The following PPP3CC variants were observed in gnomAD, a reference collection of about 807,000 sequenced individuals.
The protein encoded by PPP3CC is serine/threonine-protein phosphatase 2B catalytic subunit gamma isoform.
A neutral mutation model predicts 60.3 loss-of-function variants in PPP3CC; 35 were observed. The observed-to-expected ratio is 0.58, with a 90% CI of 0.44 to 0.77. The LOEUF (loss-of-function observed/expected upper bound fraction) is 0.77. PPP3CC is among the 30% of genes least tolerant of loss of function. The pLI is 0.00. For synonymous variants in PPP3CC, 206 were observed against 224.3 expected, an observed-to-expected ratio of 0.92 and a Z score of 0.73; for missense variants, 570 against 628.9, an observed-to-expected ratio of 0.91 and a Z score of 1.00.
rs188691928 is a variant in PPP3CC, at chr8:22,519,448, C to G, written c.771-3043C>G. On this transcript the variant is annotated intron_variant, in intron 6 of 13. Coordinates refer to ENST00000240139, the MANE Select transcript of PPP3CC (RefSeq NM_005605.5). ...GGTTCTACTATTCCTCTCTTTTTCT[C>G]TTTGTGATTTGATTTTTATTTTTGT... Among the ~76,000 whole-genome samples, 10 of 152,130 alleles carry G rather than the reference C, an allele frequency of 6.6e-5. 1 individual carries two copies. Among genetic ancestry groups the G allele is most frequent in the African/African-American group, 2.2e-4 (9 of 41,504 alleles).
intron 3 of PPP3CC, chr8:22,492,645 G>T (rs1250526604): frequency 6.0e-6 from 4 of 662,524 alleles, no homozygotes; most frequent in Non-Finnish European, 1.1e-5. Flanking sequence ...AGCCAGGAAA[G>T]ACTTGCCAAA....
At chr8:22,460,782 C>T (rs1054940191) in intron 1 of PPP3CC, among the ~76,000 whole-genome samples, 1 of 152,084 alleles carries the variant, frequency 6.6e-6, no homozygotes, top group Non-Finnish European at 1.5e-5. Context: ...CAGCTGCACA[C>T]CATCCAGCCT....
At chr8:22,442,234 C>G (rs896374) in intron 1 of PPP3CC, among the ~76,000 whole-genome samples, 6 of 152,120 alleles carry the variant, frequency 3.9e-5, no homozygotes, top group Admixed American at 2.6e-4. Flanking sequence ...TTTATTCAGC[C>G]GTAAGTCTTA....
intron 1 of PPP3CC, among the ~76,000 whole-genome samples, chr8:22,463,483 C>G (rs1837423631): frequency 6.6e-6 from 1 of 152,182 alleles, no homozygotes; most frequent in Non-Finnish European, 1.5e-5. Flanking sequence ...GAAGCGGAAA[C>G]CACCTGTGGA....
chr8:22,489,860 C>G (rs533309305), intron 3 of PPP3CC, among the ~76,000 whole-genome samples: 1 of 149,772 alleles, frequency 6.7e-6, no homozygotes, highest in African/African-American at 2.5e-5. Flanking sequence ...CTTGCTCTGT[C>G]TCCCAGGCTG....
At chr8:22,527,991 T>C (rs369962709) in intron 9 of PPP3CC, among the ~76,000 whole-genome samples, 22 of 151,876 alleles carry the variant, frequency 1.4e-4, no homozygotes, top group African/African-American at 4.9e-4. Flanking sequence ...TATATTATGG[T>C]TTTTTTATTG....
At chr8:22,471,309 C>G (rs1837713726) in intron 1 of PPP3CC, among the ~76,000 whole-genome samples, 1 of 138,036 alleles carries the variant, frequency 7.2e-6, no homozygotes, top group Non-Finnish European at 1.5e-5. Flanking sequence ...GAGACTGAGT[C>G]TGTGTCACCT....
chr8:22,450,627 A>G (rs1267234706), intron 1 of PPP3CC, among the ~76,000 whole-genome samples: 1 of 152,090 alleles, frequency 6.6e-6, no homozygotes, highest in Non-Finnish European at 1.5e-5. Flanking sequence ...TGTCATCGTG[A>G]TCTGTGAACA....
At chr8:22,451,402 C>T (rs763695521) in intron 1 of PPP3CC, among the ~76,000 whole-genome samples, 9 of 152,210 alleles carry the variant, frequency 5.9e-5, no homozygotes, top group Non-Finnish European at 1.2e-4. Context: ...TCCCAAAGTG[C>T]TGGGATTACA....
At chr8:22,451,456 C>T (rs1837023344) in intron 1 of PPP3CC, among the ~76,000 whole-genome samples, 1 of 152,196 alleles carries the variant, frequency 6.6e-6, no homozygotes, top group Non-Finnish European at 1.5e-5. Flanking sequence ...TTTAATACTA[C>T]AGGTTGAGTG....
intron 4 of PPP3CC, among the ~76,000 whole-genome samples, chr8:22,509,153 C>T (rs1563757693): frequency 6.6e-6 from 1 of 152,166 alleles, no homozygotes; most frequent in Non-Finnish European, 1.5e-5. Context: ...TTACACTTTC[C>T]TTAGGGATCT....
intron 2 of PPP3CC, 46 bp downstream of exon 2, chr8:22,475,197 A>G (rs1415671407): frequency 1.9e-5 from 29 of 1,519,376 alleles, no homozygotes; most frequent in Admixed American, 5.6e-5. Context: ...ATAGATTTGC[A>G]TGAGCAGTTT....
At chr8:22,449,064 T>C (rs1032739485) in intron 1 of PPP3CC, among the ~76,000 whole-genome samples, 3 of 151,942 alleles carry the variant, frequency 2.0e-5, no homozygotes, top group African/African-American at 7.3e-5. Context: ...TGAACTATGA[T>C]TGCACTACTG....
intron 4 of PPP3CC, among the ~76,000 whole-genome samples, chr8:22,509,516 G>A (rs1839021293): frequency 6.6e-6 from 1 of 152,054 alleles, no homozygotes; most frequent in East Asian, 1.9e-4. Context: ...TGAAACCAAG[G>A]CCAAGGAAGA....
intron 1 of PPP3CC, among the ~76,000 whole-genome samples, chr8:22,448,391 T>G (rs1359619158): frequency 6.6e-6 from 1 of 151,212 alleles, no homozygotes. Flanking sequence ...GTTTTTTTTT[T>G]TTTTTGAGAT....
chr8:22,454,996 C>T (rs530410471), intron 1 of PPP3CC, among the ~76,000 whole-genome samples: 1 of 142,844 alleles, frequency 7.0e-6, no homozygotes, highest in Admixed American at 7.4e-5. Context: ...GCAGAGCTTG[C>T]AGTGAGCCGA....
At chr8:22,489,246 C>A (rs961416517) in intron 3 of PPP3CC, among the ~76,000 whole-genome samples, 1 of 152,026 alleles carries the variant, frequency 6.6e-6, no homozygotes, top group East Asian at 1.9e-4. Flanking sequence ...CAAAGTCTTT[C>A]CTTTTTGAGG....
chr8:22,470,630 T>C (rs1014699625), intron 1 of PPP3CC, among the ~76,000 whole-genome samples: 2 of 152,164 alleles, frequency 1.3e-5, no homozygotes, highest in African/African-American at 4.8e-5. Context: ...CCAAAGAAGA[T>C]ATTCAAATGG....
At chr8:22,458,461 G>A (rs1182002410) in intron 1 of PPP3CC, among the ~76,000 whole-genome samples, 1 of 151,826 alleles carries the variant, frequency 6.6e-6, no homozygotes, top group African/African-American at 2.4e-5. Flanking sequence ...AGCTGGCCGT[G>A]GTGGTTCTCA....
Sources: allele counts gnomAD v4.1 joint callset (sites outside exome capture counted in the v4.1 genomes callset), GRCh38; gene constraint gnomAD v4.1.1; transcripts MANE v1.5; gene names NCBI Gene and HGNC (gene_info 2026-07-23, HGNC 2026-07-21).